Variants in BNC2 observed in about 807,000 individuals in gnomAD.
The protein encoded by BNC2 is basonuclin zinc finger protein 2, also known as zinc finger protein basonuclin-2.
BNC2 carries 20 observed loss-of-function variants against 76.3 expected under a neutral mutation model. The observed-to-expected ratio is 0.26, with a 90% CI of 0.18 to 0.38. The LOEUF (loss-of-function observed/expected upper bound fraction) is 0.38. Among genes scored for constraint, BNC2 ranks in the 10% least tolerant of loss-of-function variants. BNC2 has a pLI of 1.00. For missense variants in BNC2, 1,382 were observed against 1,399.8 expected, an observed-to-expected ratio of 0.99 and a Z score of 0.20; for synonymous variants, 582 against 514.8, an observed-to-expected ratio of 1.13 and a Z score of -1.77.
chr9:16,827,866 T>G (rs1237677637), intron 1 of BNC2, among the ~76,000 whole-genome samples: 1 of 152,232 alleles, frequency 6.6e-6, no homozygotes, highest in African/African-American at 2.4e-5. Flanking sequence ...AATGGCAACA[T>G]GTATTTTGTT....
chr9:16,494,669 G>A (rs192213509), intron 5 of BNC2, among the ~76,000 whole-genome samples: 88 of 152,268 alleles, frequency 5.8e-4, no homozygotes, highest in African/African-American at 2.0e-3. Flanking sequence ...GAGGGAGAGA[G>A]GAGATGCAGT....
At chr9:16,498,889 G>T (rs1822457337) in intron 5 of BNC2, among the ~76,000 whole-genome samples, 2 of 152,072 alleles carry the variant, frequency 1.3e-5, no homozygotes, top group Non-Finnish European at 2.9e-5. Context: ...GCCAGGGGTT[G>T]TCACCATCTT....
intron 5 of BNC2, among the ~76,000 whole-genome samples, chr9:16,511,221 C>T (rs1308657891): frequency 1.3e-5 from 2 of 149,492 alleles, no homozygotes; most frequent in African/African-American, 2.5e-5. Flanking sequence ...AGGATCCTTC[C>T]ACCTCAGCCT....
chr9:16,725,098 C>G (rs377253418), intron 3 of BNC2, among the ~76,000 whole-genome samples: 24 of 152,038 alleles, frequency 1.6e-4, no homozygotes, highest in African/African-American at 5.8e-4. Context: ...TTTGATTAAA[C>G]TGGACAAACT....
intron 1 of BNC2, among the ~76,000 whole-genome samples, chr9:16,807,951 C>T (rs181596369): frequency 2.0e-5 from 3 of 151,986 alleles, no homozygotes; most frequent in African/African-American, 7.2e-5. Context: ...GCATGGCTAC[C>T]TATGTGGCAG....
chr9:16,859,031 T>C (rs1438207956), intron 1 of BNC2, among the ~76,000 whole-genome samples: 1 of 151,934 alleles, frequency 6.6e-6, no homozygotes, highest in East Asian at 1.9e-4. Context: ...GATTTAAAAA[T>C]AGGTGAAGGA....
At chr9:16,599,257 T>A (rs4961725) in intron 3 of BNC2, among the ~76,000 whole-genome samples, 2 of 152,276 alleles carry the variant, frequency 1.3e-5, no homozygotes, top group African/African-American at 4.8e-5. Flanking sequence ...TTAATGTCAA[T>A]CATATTCAAG....
At chr9:16,625,259 C>A (rs1240538189) in intron 3 of BNC2, among the ~76,000 whole-genome samples, 1 of 152,126 alleles carries the variant, frequency 6.6e-6, no homozygotes, top group Admixed American at 6.5e-5. Context: ...CAGACCCGAT[C>A]GGGAAATGAA....
At chr9:16,836,876 T>C (rs999483455) in intron 1 of BNC2, among the ~76,000 whole-genome samples, 10 of 152,160 alleles carry the variant, frequency 6.6e-5, no homozygotes, top group African/African-American at 2.4e-4. Context: ...CCTTGGGCTG[T>C]CCACAGCATT....
intron 5 of BNC2, among the ~76,000 whole-genome samples, chr9:16,483,338 C>T (rs1271008116): frequency 6.6e-6 from 1 of 152,180 alleles, no homozygotes; most frequent in Non-Finnish European, 1.5e-5. Context: ...TCCATTATTT[C>T]ATTGCTCTCA....
chr9:16,570,072 C>T (rs1819277641), intron 4 of BNC2, among the ~76,000 whole-genome samples: 1 of 152,040 alleles, frequency 6.6e-6, no homozygotes. Flanking sequence ...ATCACCCTAC[C>T]CCCCAGTTAT....
intron 1 of BNC2, among the ~76,000 whole-genome samples, chr9:16,852,346 T>C (rs1259480839): frequency 6.6e-6 from 1 of 152,218 alleles, no homozygotes; most frequent in African/African-American, 2.4e-5. Flanking sequence ...TGGAAACCAC[T>C]ATTCCAACTG....
At chr9:16,780,060 C>G (rs1300696885) in intron 1 of BNC2, among the ~76,000 whole-genome samples, 1 of 150,424 alleles carries the variant, frequency 6.6e-6, no homozygotes, top group Admixed American at 6.6e-5. Flanking sequence ...CATGGTGAAA[C>G]CCCATCTCTA....
intron 3 of BNC2, among the ~76,000 whole-genome samples, chr9:16,624,240 T>A (rs1820934134): frequency 6.6e-6 from 1 of 152,152 alleles, no homozygotes; most frequent in Admixed American, 6.6e-5. Flanking sequence ...CAACTGCATG[T>A]GGACTCATAC....
At chr9:16,822,228 A>T (rs74305149) in intron 1 of BNC2, among the ~76,000 whole-genome samples, 1 of 152,002 alleles carries the variant, frequency 6.6e-6, no homozygotes, top group East Asian at 1.9e-4. Context: ...TTATAACAAC[A>T]GTAATTATTA....
chr9:16,460,169 C>T (rs1304511030), intron 5 of BNC2, among the ~76,000 whole-genome samples: 1 of 152,014 alleles, frequency 6.6e-6, no homozygotes, highest in Non-Finnish European at 1.5e-5. Context: ...ACAACAAGAG[C>T]AATAGTACAT....
intron 1 of BNC2, among the ~76,000 whole-genome samples, chr9:16,775,205 G>A (rs929103152): frequency 1.3e-5 from 2 of 152,146 alleles, no homozygotes; most frequent in Admixed American, 1.3e-4. Context: ...AAGTGATACT[G>A]ATGCATGCTC....
chr9:16,455,485 G>T (rs979037306), intron 5 of BNC2, among the ~76,000 whole-genome samples: 1 of 152,142 alleles, frequency 6.6e-6, no homozygotes, highest in Non-Finnish European at 1.5e-5. Context: ...GAATGGATAT[G>T]AAATGTATTT....
chr9:16,438,109 CT>C (rs367974553), intron 5 of BNC2, among the ~76,000 whole-genome samples: 38 of 149,170 alleles, frequency 2.5e-4, no homozygotes, highest in Admixed American at 6.7e-4. Flanking sequence ...TAAACTGTAT[CT>C]TTTTTTTTTG....
Sources: allele counts gnomAD v4.1 joint callset (sites outside exome capture counted in the v4.1 genomes callset), GRCh38; gene constraint gnomAD v4.1.1; transcripts MANE v1.5; gene names NCBI Gene and HGNC (gene_info 2026-07-23, HGNC 2026-07-21).